HNRNPLL: variants seen among roughly 807,000 people sequenced by gnomAD.
The protein encoded by HNRNPLL is heterogeneous nuclear ribonucleoprotein L like.
In HNRNPLL, 25 loss-of-function variants were observed where a neutral mutation model predicts 67.1. That is an observed-to-expected ratio of 0.37 (90% CI 0.27 to 0.52). HNRNPLL has a LOEUF of 0.52. HNRNPLL is among the 20% of genes least tolerant of loss of function. HNRNPLL has a pLI of 0.90. For missense variants in HNRNPLL, 542 were observed against 673.9 expected, an observed-to-expected ratio of 0.80 and a Z score of 2.17; for synonymous variants, 267 against 241.7, an observed-to-expected ratio of 1.10 and a Z score of -0.97.
intron 7 of HNRNPLL, among the ~76,000 whole-genome samples, chr2:38,575,160 T>C (rs993753711): frequency 6.6e-6 from 1 of 151,842 alleles, no homozygotes; most frequent in Admixed American, 6.6e-5. Flanking sequence ...CTGATGTTTA[T>C]AATTATGACT....
At chr2:38,585,982 A>G in intron 2 of HNRNPLL, 101 bp from the exon 3 acceptor site, 1 of 787,478 alleles carries the variant, frequency 1.3e-6, no homozygotes, top group Non-Finnish European at 2.2e-6. Context: ...AAATGTGTCA[A>G]ATCCCACAGT....
In HNRNPLL at chr2:38,602,641, G is replaced by A. The variant is rs1055783019; in HGVS notation, c.-15C>T. 2 of 1,495,780 alleles carry A rather than the reference G, an allele frequency of 1.3e-6. No homozygotes were observed. The highest frequency in any genetic ancestry group is 1.8e-4 in the Middle Eastern group (1 of 5,696). The allele number at this position is 1,495,780 out of a possible 1,614,324, so 92.7% of individuals were successfully genotyped here. A position where few individuals can be genotyped will look rare whatever the true frequency, so the allele number is the denominator to read the frequency against. On this transcript the variant is annotated 5_prime_UTR_variant, in exon 1 of 13. Transcript: ENST00000449105. ...GAGGAGGACATGGCGGCGGCCGGAG[G>A]GACCGGCTGGCAGGCGGGTGGGGGT...
chr2:38,566,424 C>CA (rs1327785927), intron 12 of HNRNPLL, among the ~76,000 whole-genome samples: 12 of 146,038 alleles, frequency 8.2e-5, no homozygotes, highest in African/African-American at 3.1e-4. Context: ...ATTATGGAGA[C>CA]AAACAAACAG....
intron 1 of HNRNPLL, among the ~76,000 whole-genome samples, chr2:38,600,370 C>T (rs1453224914): frequency 1.3e-5 from 2 of 152,150 alleles, no homozygotes; most frequent in African/African-American, 4.8e-5. Context: ...TGTGTTTCAA[C>T]CTTCATATTT....
At chr2:38,578,538 A>C (rs1666392951) in intron 6 of HNRNPLL, among the ~76,000 whole-genome samples, 1 of 152,040 alleles carries the variant, frequency 6.6e-6, no homozygotes, top group African/African-American at 2.4e-5. Context: ...GGTTTATGGG[A>C]GATGAGAAAT....
At chr2:38,582,777 G>C (rs1297178573) in intron 4 of HNRNPLL, among the ~76,000 whole-genome samples, 1 of 151,912 alleles carries the variant, frequency 6.6e-6, no homozygotes, top group Non-Finnish European at 1.5e-5. Flanking sequence ...AAAATTAGCT[G>C]GGTGTGGTGG....
At position 38,562,547 on chromosome 2, in the gene HNRNPLL, G is replaced by T; in HGVS notation, c.*1635C>A. Reference sequence around the variant, plus strand: ...GTATTTCAATTTTTCAAAAGAGGTAGAAAAGTATTTATAGGGGAAAAAAAG... The same window carrying T: ...GTATTTCAATTTTTCAAAAGAGGTATAAAAGTATTTATAGGGGAAAAAAAG... On this transcript the variant is annotated 3_prime_UTR_variant, in exon 13 of 13. Coordinates refer to ENST00000449105, the MANE Select transcript of HNRNPLL (RefSeq NM_138394.4). The T allele has an allele frequency of 6.6e-6, 1 of 152,122 alleles. No individual in the cohort carries two copies. The highest frequency in any genetic ancestry group is 2.1e-4 in the South Asian group (1 of 4,826). The allele number at this position is 152,122 out of a possible 1,614,324, so 9.4% of individuals were successfully genotyped here. A position where few individuals can be genotyped will look rare whatever the true frequency, so the allele number is the denominator to read the frequency against.
Position 38,602,902 on chromosome 2 carries a change from C to G in HNRNPLL, c.-276G>C. 2 of 1,543,516 alleles carry G rather than the reference C, an allele frequency of 1.3e-6. No individual in the cohort carries two copies. The highest frequency in any genetic ancestry group is 1.8e-6 in the Non-Finnish European group (2 of 1,141,406). On this transcript the variant is annotated 5_prime_UTR_variant, in exon 1 of 13. Transcript: ENST00000449105. ...CCCTCCTCCTCCTCCGTCTCCGCTCCCTGCCCGGAGGAGCGAATCTAAGGA... is the reference window on the plus strand; with the variant it reads ...CCCTCCTCCTCCTCCGTCTCCGCTCGCTGCCCGGAGGAGCGAATCTAAGGA...
chr2:38,579,416 AAAAT>A (rs949206719), intron 6 of HNRNPLL, among the ~76,000 whole-genome samples: 1 of 151,748 alleles, frequency 6.6e-6, no homozygotes, highest in Admixed American at 6.6e-5. Flanking sequence ...TAATAATAAT[AAAAT>A]AAAATAAAAT....
intron 12 of HNRNPLL, among the ~76,000 whole-genome samples, chr2:38,567,880 T>A (rs1665931578): frequency 6.6e-6 from 1 of 152,100 alleles, no homozygotes; most frequent in African/African-American, 2.4e-5. Context: ...GCCCTGAGAT[T>A]ACTGCAGACT....
At chr2:38,588,086 T>C (rs922169884) in intron 2 of HNRNPLL, among the ~76,000 whole-genome samples, 1 of 152,196 alleles carries the variant, frequency 6.6e-6, no homozygotes, top group Admixed American at 6.5e-5. Flanking sequence ...GAAGACTGTA[T>C]AGCCTGCAGA....
intron 4 of HNRNPLL, among the ~76,000 whole-genome samples, chr2:38,583,596 A>G (rs1394196898): frequency 6.6e-6 from 1 of 152,218 alleles, no homozygotes; most frequent in Non-Finnish European, 1.5e-5. Flanking sequence ...ACAAGTGTAC[A>G]TATCTTCAAA....
chr2:38,600,716 A>G (rs745695846), intron 1 of HNRNPLL, among the ~76,000 whole-genome samples: 20 of 149,242 alleles, frequency 1.3e-4, no homozygotes, highest in Non-Finnish European at 3.0e-4. Context: ...GAGCTGCTGC[A>G]CTCCAGCCCC....
chr2:38,573,943 C>T (rs1666198721), intron 7 of HNRNPLL, among the ~76,000 whole-genome samples: 1 of 151,784 alleles, frequency 6.6e-6, no homozygotes, highest in African/African-American at 2.4e-5. Context: ...ATCTTATTCC[C>T]CTAATTCTAA....
In HNRNPLL at chr2:38,564,054, T is replaced by C; in HGVS notation, c.*128A>G. ...AAATTTACTCAAGGCAAAATATGTTTATTACAGAACAGGATCTTAAAGTAA... is the reference window on the plus strand; with the variant it reads ...AAATTTACTCAAGGCAAAATATGTTCATTACAGAACAGGATCTTAAAGTAA... On this transcript the variant is annotated 3_prime_UTR_variant, in exon 13 of 13. Coordinates refer to ENST00000449105, the MANE Select transcript of HNRNPLL (RefSeq NM_138394.4). The C allele has an allele frequency of 1.5e-6, 1 of 669,550 alleles. No homozygotes were observed. The highest frequency in any genetic ancestry group is 2.7e-6 in the Non-Finnish European group (1 of 369,152). The allele number at this position is 669,550 out of a possible 1,614,324, so 41.5% of individuals were successfully genotyped here.
chr2:38,580,282 G>A (rs1459629046), intron 6 of HNRNPLL, among the ~76,000 whole-genome samples: 2 of 152,186 alleles, frequency 1.3e-5, no homozygotes, highest in Admixed American at 6.5e-5. Context: ...GACATCAACT[G>A]TACCAACCCA....
chr2:38,569,821 C>A lies in HNRNPLL; in HGVS notation c.1197G>T (p.Gly399=). The change falls in exon 9 of 13, where the codon GGG becomes GGT. Residue 399 remains glycine, a synonymous_variant. Coordinates refer to ENST00000449105, the MANE Select transcript of HNRNPLL (RefSeq NM_138394.4). ...VTHLNNVKLF[G]KRLNVCVSKQ... ...ATAATTACCAAACATTAAGTCTTTT[C>A]CCAAATAATTTGACATTATTAAGGT... 6.9e-7 allele frequency: 1 copy of A among 1,445,106 alleles called. No individual in the cohort carries two copies. Among genetic ancestry groups the A allele is most frequent in the Non-Finnish European group, 9.6e-7 (1 of 1,044,322 alleles). 89.5% of individuals were successfully genotyped at this position (1,445,106 alleles called of 1,614,324 possible). A position where few individuals can be genotyped will look rare whatever the true frequency, so the allele number is the denominator to read the frequency against.
chr2:38,580,283 T>C (rs1666472858), intron 6 of HNRNPLL, among the ~76,000 whole-genome samples: 1 of 152,212 alleles, frequency 6.6e-6, no homozygotes, highest in Admixed American at 6.5e-5. Context: ...ACATCAACTG[T>C]ACCAACCCAA....
At chr2:38,590,143 C>T (rs1336760840) in intron 2 of HNRNPLL, among the ~76,000 whole-genome samples, 1 of 152,182 alleles carries the variant, frequency 6.6e-6, no homozygotes, top group Non-Finnish European at 1.5e-5. Flanking sequence ...TCAATTTGTA[C>T]ATCCAAGGTT....
Sources: gnomAD v4.1 joint callset for allele counts (sites outside exome capture counted in the v4.1 genomes callset) on GRCh38, gnomAD v4.1.1 for gene constraint, MANE v1.5 for transcripts, NCBI Gene and HGNC (gene_info 2026-07-23, HGNC 2026-07-21) for gene names.